The following RNMT variants were observed in gnomAD, a reference collection of about 807,000 sequenced individuals.
RNMT encodes the protein mRNA cap guanine-N(7) methyltransferase.
Under a neutral mutation model 56.0 loss-of-function variants are expected in RNMT, and 27 were observed. That is an observed-to-expected ratio of 0.48 (90% CI 0.36 to 0.67). RNMT has a LOEUF of 0.67. Among genes scored for constraint, RNMT ranks in the 30% least tolerant of loss-of-function variants. The pLI, the probability that RNMT is intolerant of heterozygous loss-of-function variation, is 0.00. For missense variants in RNMT, 519 were observed against 552.1 expected, an observed-to-expected ratio of 0.94 and a Z score of 0.60; for synonymous variants, 184 against 176.2, an observed-to-expected ratio of 1.04 and a Z score of -0.35.
At position 13,737,003 on chromosome 18, in the gene RNMT, C is replaced by T. The variant is rs1450407183; in HGVS notation, c.554-7C>T. The T allele has an allele frequency of 1.2e-6, 2 of 1,611,042 alleles. No homozygotes were observed. The highest frequency in any genetic ancestry group is 1.3e-5 in the African/African-American group (1 of 74,804). On this transcript the variant is annotated splice_polypyrimidine_tract_variant and splice_region_variant and intron_variant, in intron 4 of 11. Coordinates refer to ENST00000383314, the MANE Select transcript of RNMT (RefSeq NM_003799.3). ...GTAGTTTATTGTGACTGATTTCTCTCTTTTAGGAGAATTTTTGGAAAAGGT... is the reference window on the plus strand; with the variant it reads ...GTAGTTTATTGTGACTGATTTCTCTTTTTTAGGAGAATTTTTGGAAAAGGT...
intron 2 of RNMT, 150 bp from the exon 3 acceptor site, chr18:13,731,326 T>TGAACCCCA (rs1287307661): frequency 2.5e-6 from 1 of 400,108 alleles, no homozygotes; most frequent in African/African-American, 2.1e-5. Context: ...GAGAATCACT[T>TGAACCCCA]GAACCCCAGA....
intron 4 of RNMT, 129 bp downstream of exon 4, chr18:13,734,728 C>A: frequency 1.3e-6 from 1 of 770,392 alleles, no homozygotes; most frequent in Non-Finnish European, 2.0e-6. Flanking sequence ...TTTTGGTTGA[C>A]TGTGTAAGAT....
chr18:13,761,864 A>ACCC lies in RNMT; in HGVS notation c.*1885_*1886insCCC. 5 of 872,618 alleles carry ACCC rather than the reference A, an allele frequency of 5.7e-6. No individual in the cohort carries two copies. Among genetic ancestry groups the ACCC allele is most frequent in the Admixed American group, 6.3e-5 (1 of 15,804 alleles). 54.1% of individuals were successfully genotyped at this position (872,618 alleles called of 1,614,324 possible). On this transcript the variant is annotated 3_prime_UTR_variant, in exon 12 of 12. Coordinates refer to ENST00000383314, the MANE Select transcript of RNMT (RefSeq NM_003799.3). ...CTACACCCCCCTCCCCCCGGCCCCA[A>ACCC]GCCCCTGTGTCTCCTTGTTACAATT... is the stretch of plus-strand genomic sequence containing the variant.
chr18:13,763,143 A>G lies in RNMT; in HGVS notation c.*3164A>G, dbSNP rs780449514. ...GTCAAATAGGAAGTACAAGTGTGTG[A>G]TGTTAGAACCTCCCTAGTTGCTGCT... On this transcript the variant is annotated 3_prime_UTR_variant, in exon 12 of 12. Coordinates refer to ENST00000383314, the MANE Select transcript of RNMT (RefSeq NM_003799.3). 8.8e-6 allele frequency: 4 copies of G among 456,028 alleles called. 1 individual carries two copies. The highest frequency in any genetic ancestry group is 4.6e-5 in the South Asian group (3 of 64,556). The allele number at this position is 456,028 out of a possible 1,614,324, so 28.2% of individuals were successfully genotyped here. A position where few individuals can be genotyped will look rare whatever the true frequency, so the allele number is the denominator to read the frequency against.
chr18:13,762,241 A>T lies in RNMT; in HGVS notation c.*2262A>T. 4 of 1,380,884 alleles carry T rather than the reference A, an allele frequency of 2.9e-6. No homozygotes were observed. Among genetic ancestry groups the T allele is most frequent in the Non-Finnish European group, 3.9e-6 (4 of 1,038,654 alleles). The allele number at this position is 1,380,884 out of a possible 1,614,324, so 85.5% of individuals were successfully genotyped here. On this transcript the variant is annotated 3_prime_UTR_variant, in exon 12 of 12. Transcript: ENST00000383314. Reference sequence around the variant, plus strand: ...GGATTGCGATGATTGATCTGGGAACATGGCTGGATTGTGATTTAACCAAGA... The same window carrying T: ...GGATTGCGATGATTGATCTGGGAACTTGGCTGGATTGTGATTTAACCAAGA...
chr18:13,747,993 A>C (rs2044380179), intron 9 of RNMT, among the ~76,000 whole-genome samples: 1 of 152,196 alleles, frequency 6.6e-6, no homozygotes, highest in Admixed American at 6.5e-5. Flanking sequence ...TCACTTGTGT[A>C]ATGTATGTCA....
intron 9 of RNMT, among the ~76,000 whole-genome samples, chr18:13,749,953 T>A (rs977016540): frequency 3.3e-5 from 5 of 152,000 alleles, no homozygotes; most frequent in Non-Finnish European, 5.9e-5. Flanking sequence ...AGAGACAGGA[T>A]GTTGAAATGT....
rs550308952 is a variant in RNMT, at chr18:13,736,097, T to C, written c.554-913T>C. ...TATAAATGCAGAGATTTTATAATTG[T>C]TTTTCGCTCTTTCAGTATTTTTATG... On this transcript the variant is annotated intron_variant, in intron 4 of 11. Transcript: ENST00000383314. Among the ~76,000 whole-genome samples the C allele has an allele frequency of 6.9e-4, 105 of 152,362 alleles. 4 individuals are homozygous for C. In the South Asian group the frequency reaches 0.016, roughly 23 times the overall value.
At chr18:13,727,343 C>T (rs1027143945) in intron 1 of RNMT, among the ~76,000 whole-genome samples, 8 of 152,180 alleles carry the variant, frequency 5.3e-5, no homozygotes, top group African/African-American at 1.9e-4. Context: ...TATCGCGTGT[C>T]CATCTCCATG....
At chr18:13,736,647 T>G (rs1173801899) in intron 4 of RNMT, among the ~76,000 whole-genome samples, 1 of 152,116 alleles carries the variant, frequency 6.6e-6, no homozygotes, top group Non-Finnish European at 1.5e-5. Flanking sequence ...AAAAAAAATA[T>G]GAATAATTAG....
intron 10 of RNMT, among the ~76,000 whole-genome samples, chr18:13,753,422 A>G (rs2044485218): frequency 6.8e-6 from 1 of 147,088 alleles, no homozygotes; most frequent in Non-Finnish European, 1.5e-5. Flanking sequence ...CCGAGATCGC[A>G]GCACTGCACT....
At position 13,735,716 on chromosome 18, in the gene RNMT, ATG is replaced by A. The variant is rs147776789; in HGVS notation, c.553+1119_553+1120del. Among the ~76,000 whole-genome samples, 1,299 of 152,170 alleles carry A rather than the reference ATG, an allele frequency of 8.5e-3. 23 individuals are homozygous for A. Among genetic ancestry groups the A allele is most frequent in the African/African-American group, 0.03 (1,252 of 41,528 alleles). ...GAGTCCATATTTTCCACATTGTTAC[ATG>A]TATTATTTCTATAATCAGAAAAGAG... On this transcript the variant is annotated intron_variant, in intron 4 of 11. Coordinates refer to ENST00000383314, the MANE Select transcript of RNMT (RefSeq NM_003799.3).
chr18:13,750,612 C>A (rs1412658198), intron 9 of RNMT, among the ~76,000 whole-genome samples: 2 of 151,818 alleles, frequency 1.3e-5, no homozygotes, highest in Non-Finnish European at 2.9e-5. Flanking sequence ...CCAGCCTGGG[C>A]AACATACTGA....
Position 13,760,717 on chromosome 18 carries a change from C to G in RNMT, c.*738C>G. 1.0e-6 allele frequency: 1 copy of G among 985,220 alleles called. No homozygotes were observed. The highest frequency in any genetic ancestry group is 1.2e-6 in the Non-Finnish European group (1 of 829,808). 61.0% of individuals were successfully genotyped at this position (985,220 alleles called of 1,614,324 possible). On this transcript the variant is annotated 3_prime_UTR_variant, in exon 12 of 12. Transcript: ENST00000383314. ...ACCTTTCTTCATTGAACAAATGGTGCCATAGTTATTTTTCTCAAAATTTAG... is the reference window on the plus strand; with the variant it reads ...ACCTTTCTTCATTGAACAAATGGTGGCATAGTTATTTTTCTCAAAATTTAG...
chr18:13,745,828 G>A (rs1342096096), intron 8 of RNMT, among the ~76,000 whole-genome samples: 2 of 152,048 alleles, frequency 1.3e-5, no homozygotes, highest in African/African-American at 2.4e-5. Context: ...AGTGTATCTT[G>A]CCAGAGAAGT....
At position 13,755,648 on chromosome 18, in the gene RNMT, A is replaced by G. The variant is rs537587021; in HGVS notation, c.1393+1501A>G. 2.0e-5 allele frequency among the ~76,000 whole-genome samples: 3 copies of G among 152,354 alleles called. No individual in the cohort carries two copies. The South Asian group carries it at 6.2e-4, about 32-fold the overall frequency. On this transcript the variant is annotated intron_variant, in intron 11 of 11. Transcript: ENST00000383314. ...AGGCTATTTGTCTTTGAACATTGGT[A>G]CTATTACTAGAAATCGGACTGGAGG... is the stretch of plus-strand genomic sequence containing the variant.
chr18:13,751,795 A>G (rs990746732), intron 9 of RNMT, among the ~76,000 whole-genome samples: 3 of 152,240 alleles, frequency 2.0e-5, no homozygotes, highest in Admixed American at 6.5e-5. Context: ...GCCATATAAA[A>G]GGATGAGTTC....
chr18:13,734,397 A>C lies in RNMT; in HGVS notation c.418-67A>C, dbSNP rs1048536850. 1.5e-5 allele frequency: 21 copies of C among 1,445,206 alleles called. No individual in the cohort carries two copies. The African/African-American group carries it at 2.0e-4, about 14-fold the overall frequency. 89.5% of individuals were successfully genotyped at this position (1,445,206 alleles called of 1,614,324 possible). A position where few individuals can be genotyped will look rare whatever the true frequency, so the allele number is the denominator to read the frequency against. On this transcript the variant is annotated intron_variant, in intron 3 of 11. Transcript: ENST00000383314. ...TAGCATTTTATCCATTCACAGGTCAAATGTTCTGAGGCTTATTTTTACCAT... is the reference window on the plus strand; with the variant it reads ...TAGCATTTTATCCATTCACAGGTCACATGTTCTGAGGCTTATTTTTACCAT...
chr18:13,752,307 C>T lies in RNMT; in HGVS notation c.1258-19C>T, dbSNP rs2044462827. On this transcript the variant is annotated intron_variant, in intron 9 of 11. Coordinates refer to ENST00000383314, the MANE Select transcript of RNMT (RefSeq NM_003799.3). ...TAAATTTCCGTTATTGTAACTAGGA[C>T]TTTCATTTCTTTCCCCAGCCATATC... 6.7e-7 allele frequency: 1 copy of T among 1,493,686 alleles called. No homozygotes were observed. Among genetic ancestry groups the T allele is most frequent in the African/African-American group, 1.4e-5 (1 of 72,322 alleles). The allele number at this position is 1,493,686 out of a possible 1,614,324, so 92.5% of individuals were successfully genotyped here. A position where few individuals can be genotyped will look rare whatever the true frequency, so the allele number is the denominator to read the frequency against.
Sources: gnomAD v4.1 joint callset for allele counts (sites outside exome capture counted in the v4.1 genomes callset) on GRCh38, gnomAD v4.1.1 for gene constraint, MANE v1.5 for transcripts, NCBI Gene and HGNC (gene_info 2026-07-23, HGNC 2026-07-21) for gene names.